Variants in OGFOD1 observed in about 807,000 individuals in gnomAD.
The protein encoded by OGFOD1 is 2-oxoglutarate and iron dependent oxygenase domain containing 1, also known as prolyl 3-hydroxylase OGFOD1.
In OGFOD1, 54 loss-of-function variants were observed where a neutral mutation model predicts 67.7. The ratio of observed to expected loss-of-function variants is 0.80; its 90% CI spans 0.64 to 1.00. OGFOD1 has a LOEUF of 1.00. Ranked by LOEUF, OGFOD1 falls within the 50% of genes least tolerant of loss-of-function variation. OGFOD1 has a pLI of 0.00. For synonymous variants in OGFOD1, 221 were observed against 227.0 expected (o/e 0.97, Z 0.24); for missense variants, 606 against 646.7 (o/e 0.94, Z 0.68).
chr16:56,466,258 C>T lies in OGFOD1; in HGVS notation c.555C>T (p.Tyr185=). Reference sequence around the variant, plus strand: ...GCATGGGTGGTACCCTGGACCTGTACAGCATTGATGGTAAGATAAGTATAA... The same window carrying T: ...GCATGGGTGGTACCCTGGACCTGTATAGCATTGATGGTAAGATAAGTATAA... ...DRSMGGTLDL[Y]SIDEHFQPKQ... The change falls in exon 5 of 13, where the codon TAC becomes TAT. Residue 185 remains tyrosine, a synonymous_variant. Coordinates refer to ENST00000566157, the MANE Select transcript of OGFOD1 (RefSeq NM_018233.4). 2 of 1,606,896 alleles carry T rather than the reference C, an allele frequency of 1.2e-6. No individual in the cohort carries two copies. The highest frequency in any genetic ancestry group is 3.3e-4 in the Middle Eastern group (2 of 6,050).
Position 56,456,989 on chromosome 16 carries a change from G to A in OGFOD1, c.301-1559G>A, listed in dbSNP as rs888930426. On this transcript the variant is annotated intron_variant, in intron 2 of 12. Coordinates refer to ENST00000566157, the MANE Select transcript of OGFOD1 (RefSeq NM_018233.4). ...TGGTTCAAGCTATCTGTGTCTCCCC[G>A]GGATTATTCTATTAGTGTATCAACC... Among the ~76,000 whole-genome samples the A allele has an allele frequency of 9.9e-5, 15 of 152,212 alleles. No individual in the cohort carries two copies. In the South Asian group the frequency reaches 1.2e-3, roughly 13 times the overall value.
At chr16:56,468,059 T>A in intron 8 of OGFOD1, 41 bp downstream of exon 8, 1 of 1,102,266 alleles carries the variant, frequency 9.1e-7, no homozygotes, top group Admixed American at 1.8e-5. Context: ...TTGTTTGGCA[T>A]GCAATTTTGC....
At position 56,470,083 on chromosome 16, in the gene OGFOD1, G is replaced by A; in HGVS notation, c.980+1G>A. ...GCAGCCGAGGTCCCCCTAACAAAAG[G>A]TAGAACCCGTCATCTGAGATATTTG... is the stretch of plus-strand genomic sequence containing the variant. On this transcript the variant is annotated splice_donor_variant, in intron 9 of 12. Transcript: ENST00000566157. LOFTEE classifies it high-confidence loss of function. The A allele has an allele frequency of 1.9e-6, 3 of 1,613,268 alleles. No individual in the cohort carries two copies. Among genetic ancestry groups the A allele is most frequent in the South Asian group, 1.1e-5 (1 of 91,056 alleles).
intron 1 of OGFOD1, 143 bp from the exon 2 acceptor site, chr16:56,453,117 TATC>T (rs774595433): frequency 2.7e-6 from 2 of 742,468 alleles, no homozygotes; most frequent in Non-Finnish European, 4.3e-6. Context: ...GGTCAGAGCT[TATC>T]ATTTTTTCCC....
In OGFOD1 at chr16:56,470,647, GA is replaced by G; in HGVS notation, c.1142del (p.Glu381GlyfsTer59). ...AGAAGATGAGATGAATGATAAAAAA[GA>G]GGCAGAAACCACTGATATCACTGAA... ...SEEDEMNDKKEAETTDITEEG... is the reference protein window; with the variant it reads ...SEEDEMNDKKXAETTDITEEG... On this transcript the variant is annotated frameshift_variant, in exon 10 of 13. Coordinates refer to ENST00000566157, the MANE Select transcript of OGFOD1 (RefSeq NM_018233.4). LOFTEE classifies it high-confidence loss of function. 1 of 1,614,140 alleles carries G rather than the reference GA, an allele frequency of 6.2e-7. No homozygotes were observed. The highest frequency in any genetic ancestry group is 8.5e-7 in the Non-Finnish European group (1 of 1,180,028).
chr16:56,454,677 G>A, intron 2 of OGFOD1: 1 of 358,636 alleles, frequency 2.8e-6, no homozygotes, highest in South Asian at 2.0e-5. Context: ...AGATTAAAAA[G>A]ATGAAGAATA....
intron 10 of OGFOD1, among the ~76,000 whole-genome samples, chr16:56,473,326 G>A (rs183127077): frequency 6.9e-4 from 105 of 152,288 alleles, no homozygotes; most frequent in African/African-American, 1.7e-3. Context: ...GAAAAACACC[G>A]TTCTCTAGTA....
At chr16:56,463,401 T>C (rs1234438289) in intron 4 of OGFOD1, among the ~76,000 whole-genome samples, 2 of 136,130 alleles carry the variant, frequency 1.5e-5, no homozygotes, top group Non-Finnish European at 3.1e-5. Context: ...TTTTTTTTTT[T>C]TTTTTTTTTT....
intron 6 of OGFOD1, 22 bp downstream of exon 6, chr16:56,466,989 T>TA: frequency 6.4e-7 from 1 of 1,570,400 alleles, no homozygotes; most frequent in Non-Finnish European, 8.8e-7. Flanking sequence ...AAGCCACAAA[T>TA]AGAGTAGCAA....
At chr16:56,453,923 G>A (rs1369011917) in intron 2 of OGFOD1, among the ~76,000 whole-genome samples, 1 of 152,174 alleles carries the variant, frequency 6.6e-6, no homozygotes, top group Non-Finnish European at 1.5e-5. Context: ...TGAATGTGAC[G>A]GTGATAGAGA....
rs59188420 is a variant in OGFOD1 at position 56,476,404 on chromosome 16, TA to T, written c.*210del. The T allele has an allele frequency of 0.022, 6,831 of 303,978 alleles. No homozygotes were observed. The highest frequency in any genetic ancestry group is 0.041 in the Middle Eastern group (46 of 1,130). The allele number at this position is 303,978 out of a possible 1,614,324, so 18.8% of individuals were successfully genotyped here. ...TGCAGCTAAGTACTTATCTCTTGAT[TA>T]AAAAAAAAAAGTTGGCTTTTTTTTT... On this transcript the variant is annotated 3_prime_UTR_variant, in exon 13 of 13. Coordinates refer to ENST00000566157, the MANE Select transcript of OGFOD1 (RefSeq NM_018233.4).
chr16:56,460,927 A>G (rs568581461), intron 3 of OGFOD1, among the ~76,000 whole-genome samples: 1 of 152,350 alleles, frequency 6.6e-6, no homozygotes, highest in East Asian at 1.9e-4. Flanking sequence ...AAATTGTGTT[A>G]AGAGATTTCT....
At chr16:56,466,448 G>A (rs1244267157) in intron 5 of OGFOD1, among the ~76,000 whole-genome samples, 180 bp downstream of exon 5, 1 of 152,162 alleles carries the variant, frequency 6.6e-6, no homozygotes, top group Non-Finnish European at 1.5e-5. Flanking sequence ...ACCTCTTTAA[G>A]TTGGACTTAA....
At position 56,477,824 on chromosome 16, in the gene OGFOD1, T is replaced by TTTA. The variant is rs1567560668; in HGVS notation, c.*1619_*1620insTTA. ...GCACTGGGCCTTTAAACTTCTTAAC[T>TTTA]ACTCTTCTCTTTCATCTCCTAAAAC... On this transcript the variant is annotated 3_prime_UTR_variant, in exon 13 of 13. Coordinates refer to ENST00000566157, the MANE Select transcript of OGFOD1 (RefSeq NM_018233.4). 1 of 152,034 alleles carries TTTA rather than the reference T, an allele frequency of 6.6e-6. No individual in the cohort carries two copies. The highest frequency in any genetic ancestry group is 1.9e-4 in the East Asian group (1 of 5,176). 9.4% of individuals were successfully genotyped at this position (152,034 alleles called of 1,614,324 possible). A position where few individuals can be genotyped will look rare whatever the true frequency, so the allele number is the denominator to read the frequency against.
intron 12 of OGFOD1, 48 bp downstream of exon 12, chr16:56,475,613 C>A: frequency 6.4e-7 from 1 of 1,560,942 alleles, no homozygotes. Context: ...ATTGAGAATG[C>A]TTTCATTTTT....
chr16:56,462,029 G>A lies in OGFOD1; in HGVS notation c.348-505G>A, dbSNP rs539265013. Among the ~76,000 whole-genome samples the A allele has an allele frequency of 5.3e-5, 8 of 151,656 alleles. No homozygotes were observed. In the East Asian group the frequency reaches 1.6e-3, roughly 29 times the overall value. On this transcript the variant is annotated intron_variant, in intron 3 of 12. Transcript: ENST00000566157. ...AATCACTTGAACCCAGGAGGCAGAG[G>A]TTGCAATGAGCCAAGATCACACTGC... is the stretch of plus-strand genomic sequence containing the variant.
intron 4 of OGFOD1, 66 bp from the exon 5 acceptor site, chr16:56,466,086 A>G (rs1596976030): frequency 1.8e-6 from 2 of 1,099,238 alleles, no homozygotes; most frequent in East Asian, 4.8e-5. Flanking sequence ...CTGATATTAA[A>G]TGCAGAGTCA....
At chr16:56,453,578 A>G (rs1380548193) in intron 2 of OGFOD1, 170 bp downstream of exon 2, 17 of 598,126 alleles carry the variant, frequency 2.8e-5, no homozygotes, top group Middle Eastern at 4.5e-4. Flanking sequence ...AGTGTTAACT[A>G]TGTGTTAAGT....
chr16:56,458,355 G>C, intron 2 of OGFOD1, 193 bp from the exon 3 acceptor site: 1 of 605,774 alleles, frequency 1.7e-6, no homozygotes, highest in East Asian at 2.9e-5. Flanking sequence ...AATGAATAAA[G>C]CACAGAGGGT....
Sources: allele counts gnomAD v4.1 joint callset (sites outside exome capture counted in the v4.1 genomes callset), GRCh38; gene constraint gnomAD v4.1.1; transcripts MANE v1.5; gene names NCBI Gene and HGNC (gene_info 2026-07-23, HGNC 2026-07-21).